MYRFL: variants seen among roughly 807,000 people sequenced by gnomAD.
MYRFL encodes myelin regulatory factor like.
In MYRFL, 88 loss-of-function variants were observed where a neutral mutation model predicts 109.4. The ratio of observed to expected loss-of-function variants is 0.80; its 90% CI spans 0.68 to 0.96. The LOEUF (loss-of-function observed/expected upper bound fraction) is 0.96. Among genes scored for constraint, MYRFL ranks in the 40% least tolerant of loss-of-function variants. The probability of loss-of-function intolerance (pLI) is 0.00; values close to 1 mark genes in which losing one functional copy is unlikely to be tolerated. For missense variants in MYRFL, 957 were observed against 954.9 expected, an observed-to-expected ratio of 1.00 and a Z score of -0.03; for synonymous variants, 324 against 320.9, an observed-to-expected ratio of 1.01 and a Z score of -0.10.
chr12:69,866,293 T>TA (rs1002152255), intron 2 of MYRFL, among the ~76,000 whole-genome samples: 18 of 151,910 alleles, frequency 1.2e-4, no homozygotes, highest in African/African-American at 3.6e-4. Flanking sequence ...TATACTTGAT[T>TA]AAAAAAATGC....
At chr12:69,863,367 A>G (rs1371303452) in intron 2 of MYRFL, among the ~76,000 whole-genome samples, 1 of 152,130 alleles carries the variant, frequency 6.6e-6, no homozygotes, top group Non-Finnish European at 1.5e-5. Flanking sequence ...TCGGCTGTGA[A>G]TCCATCTGGT....
rs148165394 is a variant in MYRFL, at chr12:69,951,489, G to A, written c.2225-624G>A. 4.0e-3 allele frequency among the ~76,000 whole-genome samples: 586 copies of A among 144,728 alleles called. 9 individuals are homozygous for A. Among genetic ancestry groups the A allele is most frequent in the African/African-American group, 0.014 (536 of 39,134 alleles). The allele number at this position is 144,728 out of a possible 152,430, so 94.9% of individuals were successfully genotyped here. A position where few individuals can be genotyped will look rare whatever the true frequency, so the allele number is the denominator to read the frequency against. On this transcript the variant is annotated intron_variant, in intron 19 of 24. Coordinates refer to ENST00000552032, the MANE Select transcript of MYRFL (RefSeq NM_182530.3). ...GTTGTCCAGGCTGGAGTGCAATGGCGCAATCTCGGCTCACCACAACCTCCG... is the reference window on the plus strand; with the variant it reads ...GTTGTCCAGGCTGGAGTGCAATGGCACAATCTCGGCTCACCACAACCTCCG...
chr12:69,829,788 T>C (rs1239231256), intron 1 of MYRFL, among the ~76,000 whole-genome samples: 2 of 152,124 alleles, frequency 1.3e-5, no homozygotes, highest in African/African-American at 4.8e-5. Flanking sequence ...TTCCTGTATA[T>C]TATTTCTCTA....
chr12:69,880,132 A>C (rs1481374508), intron 4 of MYRFL, 69 bp from the exon 5 acceptor site: 1 of 677,442 alleles, frequency 1.5e-6, no homozygotes, highest in African/African-American at 1.8e-5. Flanking sequence ...CTGGGAGATT[A>C]AATTTTATTT....
intron 1 of MYRFL, among the ~76,000 whole-genome samples, chr12:69,827,023 T>C (rs1253933800): frequency 6.6e-6 from 1 of 152,100 alleles, no homozygotes; most frequent in Non-Finnish European, 1.5e-5. Flanking sequence ...TGCAGTCCAG[T>C]GCTCTACCTC....
At chr12:69,956,758 C>A (rs10879064) in intron 22 of MYRFL, among the ~76,000 whole-genome samples, 19,468 of 152,134 alleles carry the variant, frequency 0.13, 1,859 homozygotes, top group East Asian at 0.48. Context: ...AACTGCTTGC[C>A]TTGGAAAGGT....
rs193279098 is a variant in MYRFL, at chr12:69,919,732, T to G, written c.1603-6839T>G. 1.1e-3 allele frequency among the ~76,000 whole-genome samples: 171 copies of G among 152,340 alleles called. 1 individual carries two copies. The highest frequency in any genetic ancestry group is 4.0e-3 in the African/African-American group (165 of 41,580). ...CACACCCATTGGCTAAAGACAGTTT[T>G]TCTCCCGTTGGCAATCATTTTTACA... On this transcript the variant is annotated intron_variant, in intron 13 of 24. Transcript: ENST00000552032.
chr12:69,942,802 A>G (rs1006630006), intron 19 of MYRFL, among the ~76,000 whole-genome samples: 2 of 151,924 alleles, frequency 1.3e-5, no homozygotes, highest in Admixed American at 6.5e-5. Flanking sequence ...GTCTCAGCCC[A>G]AAATCTCCTT....
chr12:69,849,043 T>C (rs566672760), intron 1 of MYRFL, among the ~76,000 whole-genome samples: 5 of 152,282 alleles, frequency 3.3e-5, no homozygotes, highest in African/African-American at 1.2e-4. Context: ...AGCTAATTTT[T>C]GTATTTTTAG....
rs886986429 is a variant in MYRFL at position 69,891,103 on chromosome 12, T to C, written c.840T>C (p.Phe280=). The stretch of plus-strand genomic sequence containing the variant: ...TCCAAGTTTGGGGAAGTCCAAAATT[T>C]GTTGAAACCGAGATGGGCCTAAAGC... ...IHIQVWGSPK[F]VETEMGLKPI... The change falls in exon 7 of 25, where the codon TTT becomes TTC. Residue 280 remains phenylalanine (F), a synonymous_variant. Coordinates refer to ENST00000552032, the MANE Select transcript of MYRFL (RefSeq NM_182530.3). 1 of 1,535,056 alleles carries C rather than the reference T, an allele frequency of 6.5e-7. No individual in the cohort carries two copies. The highest frequency in any genetic ancestry group is 1.2e-5 in the South Asian group (1 of 83,702).
intron 2 of MYRFL, among the ~76,000 whole-genome samples, chr12:69,858,763 A>G (rs1884452556): frequency 6.6e-6 from 1 of 151,618 alleles, no homozygotes; most frequent in Non-Finnish European, 1.5e-5. Context: ...GACGTTTATC[A>G]ATTTTATTGA....
At chr12:69,833,774 C>T (rs540463680) in intron 1 of MYRFL, among the ~76,000 whole-genome samples, 9 of 147,376 alleles carry the variant, frequency 6.1e-5, no homozygotes, top group African/African-American at 2.2e-4. Flanking sequence ...CAGGGAACAT[C>T]TATAGAGATA....
chr12:69,860,175 C>A (rs1261657), intron 2 of MYRFL, among the ~76,000 whole-genome samples: 37,753 of 151,950 alleles, frequency 0.25, 5,447 homozygotes, highest in Middle Eastern at 0.38. Context: ...AATTCAGCTC[C>A]CACTTATAAG....
At chr12:69,945,843 C>T (rs543645586) in intron 19 of MYRFL, among the ~76,000 whole-genome samples, 8 of 149,646 alleles carry the variant, frequency 5.3e-5, no homozygotes, top group South Asian at 4.3e-4. Flanking sequence ...AAAAATTAGC[C>T]GGGCGTAGTG....
intron 13 of MYRFL, among the ~76,000 whole-genome samples, chr12:69,916,953 G>A (rs1152975): frequency 0.57 from 85,963 of 151,974 alleles, 26,403 homozygotes; most frequent in East Asian, 0.89. Flanking sequence ...AAAGCCTGGC[G>A]TTTCCCTGTG....
rs139644557 is a variant in MYRFL at position 69,933,097 on chromosome 12, G to A, written c.1916+499G>A. Among the ~76,000 whole-genome samples the A allele has an allele frequency of 2.8e-3, 431 of 152,332 alleles. 2 individuals carry two copies. Among genetic ancestry groups the A allele is most frequent in the African/African-American group, 0.01 (417 of 41,574 alleles). ...AAAGGGACACCAAGATATACCATGTGATGGAATTGTAGCCAAATCTACTAA... is the reference window on the plus strand; with the variant it reads ...AAAGGGACACCAAGATATACCATGTAATGGAATTGTAGCCAAATCTACTAA... On this transcript the variant is annotated intron_variant, in intron 16 of 24. Transcript: ENST00000552032.
At chr12:69,908,462 G>A (rs1954448901) in intron 11 of MYRFL, among the ~76,000 whole-genome samples, 1 of 152,178 alleles carries the variant, frequency 6.6e-6, no homozygotes, top group South Asian at 2.1e-4. Flanking sequence ...GGAAGGAAGA[G>A]CTTTTGAGTC....
intron 19 of MYRFL, among the ~76,000 whole-genome samples, chr12:69,943,571 A>T (rs973479463): frequency 1.6e-4 from 24 of 151,738 alleles, no homozygotes; most frequent in African/African-American, 5.8e-4. Flanking sequence ...ACCTAAAACC[A>T]TAAAAACCCT....
At chr12:69,848,228 T>A (rs543920709) in intron 1 of MYRFL, among the ~76,000 whole-genome samples, 1 of 152,246 alleles carries the variant, frequency 6.6e-6, no homozygotes, top group East Asian at 1.9e-4. Flanking sequence ...ATCTTGTTGG[T>A]AAATATCCCT....
Sources: gnomAD v4.1 joint callset for allele counts (sites outside exome capture counted in the v4.1 genomes callset) on GRCh38, gnomAD v4.1.1 for gene constraint, MANE v1.5 for transcripts, NCBI Gene and HGNC (gene_info 2026-07-23, HGNC 2026-07-21) for gene names.